Variants in CELF4 observed in about 807,000 individuals in gnomAD.
CELF4 encodes the protein CUGBP Elav-like family member 4.
Under a neutral mutation model 59.9 loss-of-function variants are expected in CELF4, and 18 were observed. That is an observed-to-expected ratio of 0.30 (90% CI 0.21 to 0.45). The LOEUF is 0.45. CELF4 is among the 20% of genes least tolerant of loss of function. The pLI is 1.00. For missense variants in CELF4, 456 were observed against 689.0 expected (o/e 0.66, Z 3.79); for synonymous variants, 261 against 267.1 (o/e 0.98, Z 0.22).
rs550196677 is a variant in CELF4, at chr18:37,545,714, C to T, written c.286+19642G>A. Among the ~76,000 whole-genome samples, 78 of 151,632 alleles carry T rather than the reference C, an allele frequency of 5.1e-4. No homozygotes were observed. In the South Asian group the frequency reaches 0.016, roughly 31 times the overall value. Reference sequence around the variant, plus strand: ...GGCCTCTCTTTTCCTGTGGCTGCCCCGTCTCTCTCTCTCACTCTCATATGC... The same window carrying T: ...GGCCTCTCTTTTCCTGTGGCTGCCCTGTCTCTCTCTCTCACTCTCATATGC... On this transcript the variant is annotated intron_variant, in intron 1 of 12. Transcript: ENST00000420428.
At position 37,466,063 on chromosome 18, in the gene CELF4, C is replaced by T. The variant is rs184361080; in HGVS notation, c.369+19462G>A. On this transcript the variant is annotated intron_variant, in intron 2 of 12. Coordinates refer to ENST00000420428, the MANE Select transcript of CELF4 (RefSeq NM_020180.4). ...TTCTTCAGCTCGCCTCTGCCATCCC[C>T]CTTTCTAGGCCAGCTGGGATGAGGC... Among the ~76,000 whole-genome samples the T allele has an allele frequency of 2.4e-3, 362 of 152,340 alleles. 5 individuals carry two copies. Among genetic ancestry groups the T allele is most frequent in the Non-Finnish European group, 6.5e-4 (44 of 68,040 alleles).
chr18:37,405,634 G>C (rs1404983250), intron 2 of CELF4, among the ~76,000 whole-genome samples: 1 of 152,214 alleles, frequency 6.6e-6, no homozygotes, highest in African/African-American at 2.4e-5. Flanking sequence ...TTATAAAATA[G>C]GCCTTTAGCT....
Position 37,253,967 on chromosome 18 carries a change from G to C in CELF4, c.1334-29C>G. 6.3e-7 allele frequency: 1 copy of C among 1,581,654 alleles called. No individual in the cohort carries two copies. Among genetic ancestry groups the C allele is most frequent in the Non-Finnish European group, 8.6e-7 (1 of 1,164,450 alleles). ...GCGAGACACGAGGGACGAGGGCCTG[G>C]GTTTCCACGGGGCCGCCCGGGGCGC... On this transcript the variant is annotated intron_variant, in intron 11 of 12. Transcript: ENST00000420428. This position sits in a 1 kb window ranked among gnomAD's most constrained non-coding sequence, Gnocchi z 4.5.
intron 8 of CELF4, among the ~76,000 whole-genome samples, chr18:37,269,895 G>T (rs535295332): frequency 1.2e-4 from 19 of 152,218 alleles, no homozygotes; most frequent in Non-Finnish European, 2.4e-4. Context: ...TCTACTTCTT[G>T]GGCCCCCCTT....
At chr18:37,381,754 C>T (rs1415304078) in intron 2 of CELF4, among the ~76,000 whole-genome samples, 2 of 152,190 alleles carry the variant, frequency 1.3e-5, no homozygotes, top group East Asian at 3.9e-4. Flanking sequence ...TGGGTCAAGG[C>T]TCAGATTCCT....
chr18:37,503,422 T>C (rs1372373763), intron 1 of CELF4, among the ~76,000 whole-genome samples: 1 of 152,230 alleles, frequency 6.6e-6, no homozygotes, highest in Non-Finnish European at 1.5e-5. Flanking sequence ...GCCCAGAGCC[T>C]GCTGTCGAGT....
At chr18:37,303,633 G>A (rs1440337700) in intron 3 of CELF4, among the ~76,000 whole-genome samples, 1 of 152,144 alleles carries the variant, frequency 6.6e-6, no homozygotes, top group African/African-American at 2.4e-5. Context: ...CCTTTTTAGA[G>A]CCACGTCTTG....
At chr18:37,400,740 C>T (rs190096742) in intron 2 of CELF4, among the ~76,000 whole-genome samples, 35 of 152,308 alleles carry the variant, frequency 2.3e-4, no homozygotes, top group Non-Finnish European at 4.3e-4. Context: ...GAATGAATGC[C>T]GTTCATGGGA....
rs1334370554 is a variant in CELF4 at position 37,338,275 on chromosome 18, CTGT to C, written c.370-16397_370-16395del. On this transcript the variant is annotated intron_variant, in intron 2 of 12. Coordinates refer to ENST00000420428, the MANE Select transcript of CELF4 (RefSeq NM_020180.4). The stretch of plus-strand genomic sequence containing the variant: ...TGTTACCTTAACCTTGTCACTATGA[CTGT>C]CACTGACACCATTGTCACCACTATC... Among the ~76,000 whole-genome samples, 7 of 17,062 alleles carry C rather than the reference CTGT, an allele frequency of 4.1e-4. 3 individuals are homozygous for C. Among genetic ancestry groups the C allele is most frequent in the African/African-American group, 4.0e-3 (6 of 1,500 alleles). The allele number at this position is 17,062 out of a possible 152,430, so 11.2% of individuals were successfully genotyped here.
chr18:37,372,925 G>A (rs991867664), intron 2 of CELF4, among the ~76,000 whole-genome samples: 3 of 152,092 alleles, frequency 2.0e-5, no homozygotes, highest in Admixed American at 6.5e-5. Flanking sequence ...CTGGGGTGAG[G>A]AATATGCCAG....
intron 2 of CELF4, among the ~76,000 whole-genome samples, chr18:37,344,535 A>G (rs550198774): frequency 6.6e-6 from 1 of 152,370 alleles, no homozygotes; most frequent in Admixed American, 6.5e-5. Context: ...AGCAAGAGAA[A>G]CTACAGGTAG....
At chr18:37,531,500 A>G (rs193124752) in intron 1 of CELF4, among the ~76,000 whole-genome samples, 12 of 152,306 alleles carry the variant, frequency 7.9e-5, no homozygotes, top group Non-Finnish European at 1.5e-4. Context: ...TGTGGCTAAC[A>G]CTGGTTGCCG....
chr18:37,291,504 C>A (rs533597680), intron 3 of CELF4, among the ~76,000 whole-genome samples: 1 of 152,162 alleles, frequency 6.6e-6, no homozygotes, highest in African/African-American at 2.4e-5. Context: ...TTGGATTTAA[C>A]GGCTGGAGGC....
At chr18:37,326,789 G>T (rs1165275638) in intron 2 of CELF4, among the ~76,000 whole-genome samples, 1 of 152,156 alleles carries the variant, frequency 6.6e-6, no homozygotes, top group Non-Finnish European at 1.5e-5. Flanking sequence ...GCAGGTGGAT[G>T]GCCCCTTTCC....
At chr18:37,356,135 C>T (rs1405625424) in intron 2 of CELF4, among the ~76,000 whole-genome samples, 1 of 152,180 alleles carries the variant, frequency 6.6e-6, no homozygotes, top group African/African-American at 2.4e-5. Flanking sequence ...ATACCCACAC[C>T]TTTCCATTTT....
At chr18:37,411,573 T>G (rs2099458816) in intron 2 of CELF4, among the ~76,000 whole-genome samples, 1 of 152,238 alleles carries the variant, frequency 6.6e-6, no homozygotes. Context: ...TCTCACTTTC[T>G]GATGGGTGAA....
intron 1 of CELF4, among the ~76,000 whole-genome samples, chr18:37,509,441 A>G (rs2155951): frequency 0.2 from 29,835 of 152,250 alleles, 3,244 homozygotes; most frequent in African/African-American, 0.28. Context: ...GACTTGATCT[A>G]TCTGAACCTC....
At chr18:37,449,355 C>T (rs960114795) in intron 2 of CELF4, among the ~76,000 whole-genome samples, 3 of 152,100 alleles carry the variant, frequency 2.0e-5, no homozygotes, top group East Asian at 1.9e-4. Flanking sequence ...AAGGAAGAAG[C>T]GTGCAGCCCA....
intron 2 of CELF4, among the ~76,000 whole-genome samples, chr18:37,468,800 G>A (rs2099814676): frequency 6.6e-6 from 1 of 152,132 alleles, no homozygotes; most frequent in Non-Finnish European, 1.5e-5. Context: ...AGGAGGAAGA[G>A]CCCCTTGTAA....
Sources: allele counts gnomAD v4.1 joint callset (sites outside exome capture counted in the v4.1 genomes callset), GRCh38; gene constraint gnomAD v4.1.1; non-coding constraint Gnocchi (gnomAD v3.1); transcripts MANE v1.5; gene names NCBI Gene and HGNC (gene_info 2026-07-23, HGNC 2026-07-21).